The following MYO5B variants were observed in gnomAD, a reference collection of about 807,000 sequenced individuals.
MYO5B encodes myosin VB, also known as unconventional myosin-Vb.
In MYO5B, 143 loss-of-function variants were observed where a neutral mutation model predicts 229.3. That is an observed-to-expected ratio of 0.62 (90% CI 0.54 to 0.72). The LOEUF (loss-of-function observed/expected upper bound fraction) is 0.72. Among genes scored for constraint, MYO5B ranks in the 30% least tolerant of loss-of-function variants. MYO5B has a pLI of 0.00. For missense variants in MYO5B, 2,321 were observed against 2,331.0 expected, an observed-to-expected ratio of 1.00 and a Z score of 0.09; for synonymous variants, 918 against 885.2, an observed-to-expected ratio of 1.04 and a Z score of -0.66.
At chr18:50,089,060 T>C (rs1220795396) in intron 1 of MYO5B, among the ~76,000 whole-genome samples, 1 of 152,168 alleles carries the variant, frequency 6.6e-6, no homozygotes, top group Non-Finnish European at 1.5e-5. Context: ...AAGTACCATT[T>C]TTTAAAAGTT....
chr18:49,953,863 G>C (rs1047610315), intron 13 of MYO5B, among the ~76,000 whole-genome samples: 2 of 151,176 alleles, frequency 1.3e-5, no homozygotes, highest in African/African-American at 4.9e-5. Context: ...AGGGTAGACT[G>C]TTAACTGCTT....
At position 49,929,610 on chromosome 18, in the gene MYO5B, G is replaced by A. The variant is rs879186006; in HGVS notation, c.2004-12C>T. On this transcript the variant is annotated splice_polypyrimidine_tract_variant and intron_variant, in intron 16 of 39. Transcript: ENST00000285039. The stretch of plus-strand genomic sequence containing the variant: ...TCTTTGGGTCAAAGCTGCCAAAGGA[G>A]AAAAAAAAAAAAAAAAGCAAGACAA... 1,100 of 1,287,928 alleles carry A rather than the reference G, an allele frequency of 8.5e-4. No individual in the cohort carries two copies. Among genetic ancestry groups the A allele is most frequent in the Admixed American group, 4.3e-3 (194 of 45,152 alleles). 79.8% of individuals were successfully genotyped at this position (1,287,928 alleles called of 1,614,324 possible).
At chr18:50,117,837 TACC>T (rs974705835) in intron 1 of MYO5B, among the ~76,000 whole-genome samples, 3 of 152,046 alleles carry the variant, frequency 2.0e-5, no homozygotes, top group African/African-American at 4.8e-5. Context: ...GCTTATATAA[TACC>T]ACCACCACAT....
intron 4 of MYO5B, among the ~76,000 whole-genome samples, chr18:50,025,838 A>C (rs1430316574): frequency 6.6e-6 from 1 of 152,154 alleles, no homozygotes; most frequent in Admixed American, 6.5e-5. Flanking sequence ...ATCACTGCAT[A>C]TGTGGCTTTA....
chr18:49,914,444 G>A (rs1211868377), intron 17 of MYO5B, among the ~76,000 whole-genome samples: 2 of 152,150 alleles, frequency 1.3e-5, no homozygotes, highest in African/African-American at 4.8e-5. Context: ...GAGCACTTCT[G>A]CCTTTTAAGA....
intron 17 of MYO5B, among the ~76,000 whole-genome samples, chr18:49,927,949 C>A (rs2025148094): frequency 1.3e-5 from 2 of 152,168 alleles, no homozygotes; most frequent in Non-Finnish European, 2.9e-5. Flanking sequence ...CCAGAGTAAA[C>A]AGACAACCCA....
chr18:50,054,764 C>G (rs1262885699), intron 2 of MYO5B, among the ~76,000 whole-genome samples: 2 of 152,198 alleles, frequency 1.3e-5, no homozygotes, highest in Non-Finnish European at 2.9e-5. Context: ...GTACTTGCCA[C>G]ATATTAACCC....
chr18:49,906,085 G>T (rs2024895384), intron 19 of MYO5B, among the ~76,000 whole-genome samples: 1 of 152,162 alleles, frequency 6.6e-6, no homozygotes, highest in African/African-American at 2.4e-5. Flanking sequence ...AGGCTGTATT[G>T]GTCTCTTTTC....
chr18:49,893,608 G>C (rs2024741677), intron 22 of MYO5B, among the ~76,000 whole-genome samples: 1 of 152,206 alleles, frequency 6.6e-6, no homozygotes, highest in African/African-American at 2.4e-5. Flanking sequence ...CCTCAAAGCA[G>C]CACATCAGGA....
chr18:49,868,597 C>G (rs1201076325), intron 27 of MYO5B, among the ~76,000 whole-genome samples: 1 of 152,234 alleles, frequency 6.6e-6, no homozygotes, highest in East Asian at 1.9e-4. Context: ...CAGGTCAGCA[C>G]AGTCATGGCT....
intron 15 of MYO5B, among the ~76,000 whole-genome samples, 185 bp downstream of exon 15, chr18:49,937,060 G>A (rs1404992449): frequency 6.6e-6 from 1 of 152,152 alleles, no homozygotes; most frequent in East Asian, 1.9e-4. Flanking sequence ...CCCTCTGTTA[G>A]TTCCTTGTGG....
chr18:49,855,267 C>T (rs960657435), intron 30 of MYO5B, among the ~76,000 whole-genome samples: 5 of 152,174 alleles, frequency 3.3e-5, no homozygotes, highest in African/African-American at 4.8e-5. Context: ...GCTGACTCAG[C>T]CAGGGTCTGT....
intron 2 of MYO5B, among the ~76,000 whole-genome samples, chr18:50,051,170 A>G (rs2030382680): frequency 6.6e-6 from 1 of 152,212 alleles, no homozygotes; most frequent in African/African-American, 2.4e-5. Context: ...GTTTTTAATT[A>G]AAAATATGAG....
chr18:50,112,347 A>C (rs73430315), intron 1 of MYO5B, among the ~76,000 whole-genome samples: 17,682 of 152,176 alleles, frequency 0.12, 2,080 homozygotes, highest in African/African-American at 0.3. Context: ...TTAAGGATAA[A>C]TATGGAATCC....
intron 1 of MYO5B, among the ~76,000 whole-genome samples, chr18:50,183,881 C>T (rs756357289): frequency 2.6e-5 from 4 of 152,044 alleles, no homozygotes; most frequent in East Asian, 1.9e-4. Flanking sequence ...TTCATTCCCA[C>T]GACAGTGAGT....
At position 49,953,346 on chromosome 18, in the gene MYO5B, G is replaced by C; in HGVS notation, c.1669-3C>G. On this transcript the variant is annotated splice_polypyrimidine_tract_variant and splice_region_variant and intron_variant, in intron 13 of 39. Transcript: ENST00000285039. The stretch of plus-strand genomic sequence containing the variant: ...AAACCATCAGAGAGGTACTCCACCT[G>C]GGGCCACAGCAACCAGAGAGAGACA... The C allele has an allele frequency of 1.2e-6, 2 of 1,613,806 alleles. No individual in the cohort carries two copies. The highest frequency in any genetic ancestry group is 1.7e-6 in the Non-Finnish European group (2 of 1,179,726).
intron 22 of MYO5B, among the ~76,000 whole-genome samples, chr18:49,886,376 T>G (rs538013643): frequency 1.3e-4 from 20 of 152,326 alleles, no homozygotes; most frequent in African/African-American, 4.8e-4. Context: ...AGAAGGAGGC[T>G]CTGACAAGCA....
intron 25 of MYO5B, among the ~76,000 whole-genome samples, chr18:49,876,469 G>A (rs1366151866): frequency 3.3e-5 from 5 of 152,196 alleles, no homozygotes; most frequent in Admixed American, 3.3e-4. Context: ...GCACATCCAT[G>A]TGGATTTTTA....
At chr18:50,081,856 G>A (rs1388156705) in intron 1 of MYO5B, among the ~76,000 whole-genome samples, 2 of 152,094 alleles carry the variant, frequency 1.3e-5, no homozygotes, top group African/African-American at 4.8e-5. Context: ...ATGGGGAGAA[G>A]GGTTTGAGGC....
Sources: gnomAD v4.1 joint callset for allele counts (sites outside exome capture counted in the v4.1 genomes callset) on GRCh38, gnomAD v4.1.1 for gene constraint, MANE v1.5 for transcripts, NCBI Gene and HGNC (gene_info 2026-07-23, HGNC 2026-07-21) for gene names.